Variants in N4BP2L2 observed in about 807,000 individuals in gnomAD.
The protein encoded by N4BP2L2 is NEDD4-binding protein 2-like 2.
In N4BP2L2, 50 loss-of-function variants were observed where a neutral mutation model predicts 56.2. The observed-to-expected ratio is 0.89, with a 90% CI of 0.71 to 1.13. The LOEUF (loss-of-function observed/expected upper bound fraction) is 1.13. Among genes scored for constraint, N4BP2L2 ranks in the 50% most tolerant of loss-of-function variants. The pLI, the probability that N4BP2L2 is intolerant of heterozygous loss-of-function variation, is 0.00. For synonymous variants in N4BP2L2, 203 were observed against 223.6 expected (o/e 0.91, Z 0.82); for missense variants, 689 against 693.8 (o/e 0.99, Z 0.08).
In N4BP2L2 at chr13:32,478,101, G is replaced by A. The variant is rs149439846; in HGVS notation, c.366-33975C>T. ...GGCCCAGCTTATACACTGGAATGAA[G>A]ATATGCATTATAAAGTAAATAACGT... is the stretch of plus-strand genomic sequence containing the variant. On this transcript the variant is annotated intron_variant, in intron 6 of 9. Coordinates refer to the N4BP2L2 transcript ENST00000357505. 32 of 1,255,630 alleles carry A rather than the reference G, an allele frequency of 2.5e-5. No homozygotes were observed. The East Asian group carries it at 1.4e-3, about 56-fold the overall frequency. The allele number at this position is 1,255,630 out of a possible 1,614,324, so 77.8% of individuals were successfully genotyped here.
intron 1 of N4BP2L2, among the ~76,000 whole-genome samples, chr13:32,538,340 G>A (rs1278702436): frequency 6.6e-6 from 1 of 152,054 alleles, no homozygotes; most frequent in Non-Finnish European, 1.5e-5. Flanking sequence ...AAAGCAACCG[G>A]GTTGCGTTAA....
At chr13:32,437,322 G>T (rs535677044) in intron 8 of N4BP2L2, among the ~76,000 whole-genome samples, 1 of 152,304 alleles carries the variant, frequency 6.6e-6, no homozygotes, top group South Asian at 2.1e-4. Flanking sequence ...ATGGACAGAC[G>T]AAATGAGTCT....
intron 6 of N4BP2L2, among the ~76,000 whole-genome samples, chr13:32,462,131 TACATG>T (rs1161268744): frequency 1.7e-4 from 26 of 152,320 alleles, no homozygotes; most frequent in African/African-American, 6.3e-4. Context: ...ATCAAAGGGA[TACATG>T]CACCCCCATG....
intron 7 of N4BP2L2, among the ~76,000 whole-genome samples, chr13:32,439,228 A>G (rs554005598): frequency 1.4e-4 from 21 of 152,336 alleles, no homozygotes; most frequent in African/African-American, 5.1e-4. Flanking sequence ...TCACTCATAA[A>G]ATATTCATAA....
intron 6 of N4BP2L2, among the ~76,000 whole-genome samples, chr13:32,501,984 A>T (rs1045622448): frequency 2.0e-5 from 3 of 152,050 alleles, no homozygotes; most frequent in Non-Finnish European, 2.9e-5. Context: ...TAATCCATCT[A>T]TGCCAATGAG....
At chr13:32,526,818 G>GTTTTTTGTTTT (rs2053003722) in intron 3 of N4BP2L2, 1 of 24,236 alleles carries the variant, frequency 4.1e-5, no homozygotes, top group Non-Finnish European at 7.9e-5. Context: ...CTTTTTGTCT[G>GTTTTTTGTTTT]TTTTTTTTTT....
chr13:32,456,608 C>T (rs753044300), intron 6 of N4BP2L2, among the ~76,000 whole-genome samples: 7 of 151,854 alleles, frequency 4.6e-5, no homozygotes, highest in South Asian at 4.2e-4. Flanking sequence ...TACAAGAGAA[C>T]GCAGATAAAT....
chr13:32,516,058 C>G (rs1263281949), exon 6 of N4BP2L2: 1 of 152,092 alleles, frequency 6.6e-6, no homozygotes, highest in Non-Finnish European at 1.5e-5. Context: ...ATTTATAGTA[C>G]TATTACTCCT....
intron 5 of N4BP2L2, among the ~76,000 whole-genome samples, chr13:32,520,658 CA>C (rs1050414617): frequency 8.2e-4 from 82 of 100,456 alleles, no homozygotes; most frequent in Middle Eastern, 6.6e-3. Flanking sequence ...GACTCCATCT[CA>C]AAAAAAAAAA....
At position 32,450,567 on chromosome 13, in the gene N4BP2L2, G is replaced by A. The variant is rs183915642; in HGVS notation, c.366-6441C>T. Among the ~76,000 whole-genome samples the A allele has an allele frequency of 5.0e-3, 758 of 151,948 alleles. 23 individuals are homozygous for A. The highest frequency in any genetic ancestry group is 0.045 in the Admixed American group (693 of 15,266). The stretch of plus-strand genomic sequence containing the variant: ...TCTCGATCTCATGACCTTGTGATCT[G>A]CCCGCCTCGGCCTCCCAAAGTGCTG... On this transcript the variant is annotated intron_variant, in intron 6 of 9. Coordinates refer to the N4BP2L2 transcript ENST00000357505.
intron 3 of N4BP2L2, chr13:32,522,850 T>A (rs1173938426): frequency 1.3e-5 from 2 of 152,226 alleles, no homozygotes; most frequent in African/African-American, 4.8e-5. Context: ...TTATCTGTAT[T>A]TTCTAATTTT....
chr13:32,536,600 G>A (rs1266613307), exon 2 of N4BP2L2: 3 of 1,613,744 alleles, frequency 1.9e-6, no homozygotes, highest in South Asian at 2.2e-5. Flanking sequence ...TAGAACATGT[G>A]CCTCATTCCT....
At chr13:32,450,853 C>G (rs2138464850) in intron 6 of N4BP2L2, among the ~76,000 whole-genome samples, 1 of 123,102 alleles carries the variant, frequency 8.1e-6, no homozygotes, top group East Asian at 2.6e-4. Context: ...TCCCTCCCTC[C>G]CTCCCACCCC....
intron 6 of N4BP2L2, among the ~76,000 whole-genome samples, chr13:32,486,159 T>G (rs2139234901): frequency 6.6e-6 from 1 of 152,270 alleles, no homozygotes; most frequent in Admixed American, 6.5e-5. Flanking sequence ...ACATTCATCA[T>G]ACTTAATGGT....
At chr13:32,509,873 A>T (rs560922980), downstream of N4BP2L2, among the ~76,000 whole-genome samples, 1 of 152,318 alleles carries the variant, frequency 6.6e-6, no homozygotes, top group African/African-American at 2.4e-5. Context: ...AAAAAACACA[A>T]ACTACTCTTA....
chr13:32,486,398 G>A (rs982077465), intron 6 of N4BP2L2, among the ~76,000 whole-genome samples: 4 of 152,224 alleles, frequency 2.6e-5, no homozygotes, highest in South Asian at 2.1e-4. Context: ...AAACTGGGCC[G>A]GGTGTGGTGG....
intron 6 of N4BP2L2, among the ~76,000 whole-genome samples, chr13:32,465,913 A>G (rs2081145907): frequency 6.6e-6 from 1 of 152,104 alleles, no homozygotes; most frequent in African/African-American, 2.4e-5. Flanking sequence ...CGGCCTCCCA[A>G]AGTGTTGGGA....
intron 4 of N4BP2L2, 138 bp from the exon 5 acceptor site, chr13:32,521,587 G>T: frequency 3.4e-6 from 2 of 582,252 alleles, no homozygotes; most frequent in Admixed American, 3.4e-5. Flanking sequence ...AAAATAATAT[G>T]GTTTATAACA....
chr13:32,490,664 G>A (rs566450876), intron 6 of N4BP2L2, among the ~76,000 whole-genome samples: 1 of 152,130 alleles, frequency 6.6e-6, no homozygotes, highest in South Asian at 2.1e-4. Flanking sequence ...CAACCTTTTT[G>A]GGGGTGGTTT....
Sources: gnomAD v4.1 joint callset for allele counts (sites outside exome capture counted in the v4.1 genomes callset) on GRCh38, gnomAD v4.1.1 for gene constraint, MANE v1.5 for transcripts, NCBI Gene and HGNC (gene_info 2026-07-23, HGNC 2026-07-21) for gene names.